Variants in RGL3 observed in about 807,000 individuals in gnomAD.
RGL3 encodes the protein ral guanine nucleotide dissociation stimulator-like 3.
A neutral mutation model predicts 90.6 loss-of-function variants in RGL3; 85 were observed. The observed-to-expected ratio is 0.94, with a 90% CI of 0.79 to 1.12. RGL3 has a LOEUF of 1.12. Among genes scored for constraint, RGL3 ranks in the 50% most tolerant of loss-of-function variants. RGL3 has a pLI of 0.00. For missense variants in RGL3, 1,034 were observed against 939.2 expected (o/e 1.10, Z -1.32); for synonymous variants, 408 against 385.5 (o/e 1.06, Z -0.68).
intron 5 of RGL3, among the ~76,000 whole-genome samples, chr19:11,408,606 G>T (rs557351544): frequency 6.6e-5 from 10 of 151,456 alleles, no homozygotes; most frequent in African/African-American, 2.4e-4. Flanking sequence ...AAAAGATCAT[G>T]CTACCAGACT....
chr19:11,416,168 C>T lies in RGL3; in HGVS notation c.426-20G>A. On this transcript the variant is annotated intron_variant, in intron 4 of 18. Transcript: ENST00000380456. Reference sequence around the variant, plus strand: ...ACAGCCCTGGCCAGAGAGGCAGGGTCTCAGAGCTGGGTCCAGAGTGGGGGA... The same window carrying T: ...ACAGCCCTGGCCAGAGAGGCAGGGTTTCAGAGCTGGGTCCAGAGTGGGGGA... 1 of 1,495,776 alleles carries T rather than the reference C, an allele frequency of 6.7e-7. No individual in the cohort carries two copies. The highest frequency in any genetic ancestry group is 8.9e-7 in the Non-Finnish European group (1 of 1,119,988). The allele number at this position is 1,495,776 out of a possible 1,614,324, so 92.7% of individuals were successfully genotyped here. A position where few individuals can be genotyped will look rare whatever the true frequency, so the allele number is the denominator to read the frequency against.
Position 11,402,552 on chromosome 19 carries a change from C to T in RGL3, c.1243-11G>A. On this transcript the variant is annotated splice_polypyrimidine_tract_variant and intron_variant, in intron 10 of 18. Coordinates refer to ENST00000380456, the MANE Select transcript of RGL3 (RefSeq NM_001035223.4). ...GCCTGGGGGTGGTTTCTGCAGCCCC[C>T]AAAGCTCCAGTCACTTGGGGCCATT... 1 of 1,605,846 alleles carries T rather than the reference C, an allele frequency of 6.2e-7. No individual in the cohort carries two copies. Among genetic ancestry groups the T allele is most frequent in the South Asian group, 1.1e-5 (1 of 90,392 alleles).
Position 11,416,987 on chromosome 19 carries a change from G to C in RGL3, c.220C>G (p.Leu74Val). Residue 74 changes from leucine (L) to valine (V), a missense_variant, in exon 3 of 19, where the codon CTG becomes GTG. Transcript: ENST00000380456. ...ACCAACTCTCCCACCAGCCGCTCCA[G>C]GCGCGCTGCCCTCAGCACCCTCACC... is the stretch of plus-strand genomic sequence containing the variant. The part of the protein sequence containing the change: ...SKVRVLRAAR[L>V]ERLVGELVFG... The C allele has an allele frequency of 1.2e-6, 2 of 1,613,988 alleles. No homozygotes were observed. The highest frequency in any genetic ancestry group is 4.5e-5 in the East Asian group (2 of 44,868).
chr19:11,409,060 C>A (rs1199356236), intron 5 of RGL3, among the ~76,000 whole-genome samples: 1 of 151,958 alleles, frequency 6.6e-6, no homozygotes, highest in Non-Finnish European at 1.5e-5. Flanking sequence ...GCCTGTAATC[C>A]CAGCTCGGGA....
At chr19:11,416,785 C>T (rs1568343224) in intron 3 of RGL3, 51 bp downstream of exon 3, 1 of 1,604,736 alleles carries the variant, frequency 6.2e-7, no homozygotes, top group Non-Finnish European at 8.5e-7. Context: ...AGGGGGGTGC[C>T]CAGTTGGGGT....
chr19:11,398,202 T>C (rs1038149006), intron 16 of RGL3, among the ~76,000 whole-genome samples: 4 of 152,088 alleles, frequency 2.6e-5, no homozygotes, highest in Non-Finnish European at 4.4e-5. Context: ...ACACAACCCA[T>C]GCTCATACAC....
rs1169850022 is a variant in RGL3 at position 11,396,158 on chromosome 19, A to AT, written c.2014+1085dup. Among the ~76,000 whole-genome samples, 60 of 25,618 alleles carry AT rather than the reference A, an allele frequency of 2.3e-3. 2 individuals are homozygous for AT. Among genetic ancestry groups the AT allele is most frequent in the African/African-American group, 3.3e-3 (21 of 6,322 alleles). 16.8% of individuals were successfully genotyped at this position (25,618 alleles called of 152,430 possible). ...TCTCTATATATATATATATATATATATTTTTTTTTTTTTTTTTTTTTTTTT... is the reference window on the plus strand; with the variant it reads ...TCTCTATATATATATATATATATATATTTTTTTTTTTTTTTTTTTTTTTTTT... On this transcript the variant is annotated intron_variant, in intron 18 of 18. Coordinates refer to ENST00000380456, the MANE Select transcript of RGL3 (RefSeq NM_001035223.4).
chr19:11,414,490 C>CATATAT lies in RGL3; in HGVS notation c.637+1441_637+1446dup, dbSNP rs57862666. 5.0e-3 allele frequency among the ~76,000 whole-genome samples: 140 copies of CATATAT among 27,842 alleles called. 3 individuals carry two copies. The highest frequency in any genetic ancestry group is 6.1e-3 in the Non-Finnish European group (99 of 16,214). 18.3% of individuals were successfully genotyped at this position (27,842 alleles called of 152,430 possible). A position where few individuals can be genotyped will look rare whatever the true frequency, so the allele number is the denominator to read the frequency against. ...ATATATATATATATATATACACCTT[C>CATATAT]ATATATATATATATATATATATATA... On this transcript the variant is annotated intron_variant, in intron 5 of 18. Coordinates refer to ENST00000380456, the MANE Select transcript of RGL3 (RefSeq NM_001035223.4).
intron 13 of RGL3, among the ~76,000 whole-genome samples, chr19:11,401,363 G>T (rs1968672280): frequency 6.6e-6 from 1 of 151,668 alleles, no homozygotes; most frequent in African/African-American, 2.4e-5. Context: ...CAAGTAGTTG[G>T]GACCAACGGC....
At chr19:11,412,641 C>T (rs1968893154) in intron 5 of RGL3, among the ~76,000 whole-genome samples, 1 of 151,432 alleles carries the variant, frequency 6.6e-6, no homozygotes, top group Admixed American at 6.6e-5. Flanking sequence ...TCGAGTCCAG[C>T]CTGGGCAACA....
In RGL3 at chr19:11,399,891, G is replaced by T. The variant is rs369645825; in HGVS notation, c.1710C>A (p.Pro570=). ...GGCCCTGGGGCCCTGGAGAGGCCGG[G>T]GGACTGCCAGCAGGAGCATCTCTGC... The part of the protein sequence containing the change: ...PRSRDAPAGS[P]PASPGPQGPS... Residue 570 remains proline (P), a synonymous_variant, in exon 16 of 19, where the codon CCC becomes CCA. Coordinates refer to ENST00000380456, the MANE Select transcript of RGL3 (RefSeq NM_001035223.4). The T allele has an allele frequency of 4.6e-6, 7 of 1,519,384 alleles. No individual in the cohort carries two copies. Among genetic ancestry groups the T allele is most frequent in the African/African-American group, 4.2e-5 (3 of 70,832 alleles). 94.1% of individuals were successfully genotyped at this position (1,519,384 alleles called of 1,614,324 possible). A position where few individuals can be genotyped will look rare whatever the true frequency, so the allele number is the denominator to read the frequency against.
chr19:11,410,781 A>G (rs549143057), intron 5 of RGL3, among the ~76,000 whole-genome samples: 1 of 152,284 alleles, frequency 6.6e-6, no homozygotes, highest in South Asian at 2.1e-4. Context: ...ATAGAGAAAC[A>G]TGCTGCATGA....
At chr19:11,414,492 T>TATATATATATATATATATACACCTTC (rs1968950896) in intron 5 of RGL3, among the ~76,000 whole-genome samples, 2 of 13,588 alleles carry the variant, frequency 1.5e-4, no homozygotes, top group African/African-American at 6.5e-4. Flanking sequence ...TACACCTTCA[T>TATATATATATATATATATACACCTTC]ATATATATAT....
At position 11,397,369 on chromosome 19, in the gene RGL3, G is replaced by A. The variant is rs1354170510; in HGVS notation, c.1900-11C>T. 1.9e-6 allele frequency: 3 copies of A among 1,593,478 alleles called. No homozygotes were observed. The highest frequency in any genetic ancestry group is 2.7e-5 in the African/African-American group (2 of 74,640). On this transcript the variant is annotated splice_polypyrimidine_tract_variant and intron_variant, in intron 17 of 18. Coordinates refer to ENST00000380456, the MANE Select transcript of RGL3 (RefSeq NM_001035223.4). ...GTCCTGACTGGTCAGCTGGAAGAGA[G>A]GGGCGGGAGGTGAGGTGAGGGCCCC... is the stretch of plus-strand genomic sequence containing the variant.
chr19:11,406,976 G>C (rs1968795522), intron 5 of RGL3, 112 bp from the exon 6 acceptor site: 8 of 1,143,840 alleles, frequency 7.0e-6, no homozygotes, highest in African/African-American at 1.6e-5. Flanking sequence ...TTGTAAAACG[G>C]AGAGCTCTCT....
At chr19:11,398,774 G>C (rs1190783983) in intron 16 of RGL3, among the ~76,000 whole-genome samples, 3 of 151,908 alleles carry the variant, frequency 2.0e-5, no homozygotes, top group Non-Finnish European at 4.4e-5. Flanking sequence ...GGGTTCAAGT[G>C]ATTCTCCTGC....
intron 3 of RGL3, 73 bp from the exon 4 acceptor site, chr19:11,416,740 G>C: frequency 1.3e-6 from 2 of 1,593,046 alleles, no homozygotes; most frequent in East Asian, 2.2e-5. Flanking sequence ...TCTGGGTCTG[G>C]GAGGTGTTTC....
At chr19:11,408,336 C>T (rs925444954) in intron 5 of RGL3, among the ~76,000 whole-genome samples, 10 of 152,144 alleles carry the variant, frequency 6.6e-5, no homozygotes, top group Non-Finnish European at 1.5e-4. Context: ...AATCCCAGCA[C>T]TTTGGGAGGC....
At position 11,403,640 on chromosome 19, in the gene RGL3, C is replaced by CAAAA. The variant is rs889376839; in HGVS notation, c.1186-938_1186-935dup. Among the ~76,000 whole-genome samples, 33 of 49,212 alleles carry CAAAA rather than the reference C, an allele frequency of 6.7e-4. 1 individual carries two copies. The highest frequency in any genetic ancestry group is 8.6e-4 in the Admixed American group (4 of 4,628). 32.3% of individuals were successfully genotyped at this position (49,212 alleles called of 152,430 possible). A position where few individuals can be genotyped will look rare whatever the true frequency, so the allele number is the denominator to read the frequency against. ...GGGCAACAAGACCAAAACTCCATCT[C>CAAAA]AAAAAAAAAAAAAAAAAAAAAAAGA... On this transcript the variant is annotated intron_variant, in intron 9 of 18. Transcript: ENST00000380456.
Sources: gnomAD v4.1 joint callset for allele counts (sites outside exome capture counted in the v4.1 genomes callset) on GRCh38, gnomAD v4.1.1 for gene constraint, MANE v1.5 for transcripts, NCBI Gene and HGNC (gene_info 2026-07-23, HGNC 2026-07-21) for gene names.